FOXRED1: variants seen among roughly 807,000 people sequenced by gnomAD.
FOXRED1 encodes the protein FAD-dependent oxidoreductase domain-containing protein 1.
Under a neutral mutation model 57.8 loss-of-function variants are expected in FOXRED1, and 52 were observed. The ratio of observed to expected loss-of-function variants is 0.90; its 90% CI spans 0.72 to 1.13. FOXRED1 has a LOEUF of 1.13. Among genes scored for constraint, FOXRED1 ranks in the 50% most tolerant of loss-of-function variants. FOXRED1 has a pLI of 0.00. For synonymous variants in FOXRED1, 271 were observed against 248.3 expected, an observed-to-expected ratio of 1.09 and a Z score of -0.86; for missense variants, 589 against 625.2, an observed-to-expected ratio of 0.94 and a Z score of 0.62.
chr11:126,273,821 T>C lies in FOXRED1; in HGVS notation c.536+367T>C. The C allele has an allele frequency of 3.3e-6, 1 of 306,364 alleles. No homozygotes were observed. The highest frequency in any genetic ancestry group is 6.4e-6 in the Non-Finnish European group (1 of 155,840). 19.0% of individuals were successfully genotyped at this position (306,364 alleles called of 1,614,324 possible). On this transcript the variant is annotated intron_variant, in intron 4 of 10. Coordinates refer to ENST00000263578, the MANE Select transcript of FOXRED1 (RefSeq NM_017547.4). This position sits in a 1 kb window ranked among gnomAD's most constrained non-coding sequence, Gnocchi z 5.9. ...GGCCAGATAGTATATATTTTAGGTTTTGCTGGCCATACAGTCTCTATTCCA... is the reference window on the plus strand; with the variant it reads ...GGCCAGATAGTATATATTTTAGGTTCTGCTGGCCATACAGTCTCTATTCCA...
At position 126,269,588 on chromosome 11, in the gene FOXRED1, T is replaced by C. The variant is rs1023073542; in HGVS notation, c.85+297T>C. On this transcript the variant is annotated intron_variant, in intron 1 of 10. Transcript: ENST00000263578. Reference sequence around the variant, plus strand: ...CTGCCCGTGTTCAGGATGCTGTACTTAGTGCTGTTGCGGTAAAGGAGTGAA... The same window carrying C: ...CTGCCCGTGTTCAGGATGCTGTACTCAGTGCTGTTGCGGTAAAGGAGTGAA... 2.0e-5 allele frequency among the ~76,000 whole-genome samples: 3 copies of C among 152,300 alleles called. No individual in the cohort carries two copies. The East Asian group carries it at 5.8e-4, about 29-fold the overall frequency.
In FOXRED1 at chr11:126,277,068, C is replaced by T. The variant is rs1951172822; in HGVS notation, c.1102-3C>T. ...TAAGCGTTGTCCCCACCTCTCACTC[C>T]AGCAGGAAGAACCGGACCCGGCGAA... On this transcript the variant is annotated splice_region_variant and splice_polypyrimidine_tract_variant and intron_variant, in intron 9 of 10. Transcript: ENST00000263578. The surrounding 1 kb of genome is among the most constrained non-coding windows in gnomAD (Gnocchi z 6.8). 6.3e-6 allele frequency: 10 copies of T among 1,597,764 alleles called. No individual in the cohort carries two copies. In the East Asian group the frequency reaches 6.7e-5, roughly 11 times the overall value.
At position 126,273,249 on chromosome 11, in the gene FOXRED1, C is replaced by A; in HGVS notation, c.418-87C>A. The A allele has an allele frequency of 9.0e-7, 1 of 1,114,266 alleles. No homozygotes were observed. The highest frequency in any genetic ancestry group is 1.4e-6 in the Non-Finnish European group (1 of 724,230). The allele number at this position is 1,114,266 out of a possible 1,614,324, so 69.0% of individuals were successfully genotyped here. ...GGTGCCGCAGGTCTGGGGCACTGAG[C>A]CTGGGGAGCTGTGGGGGAAGAAGGC... On this transcript the variant is annotated intron_variant, in intron 3 of 10. Transcript: ENST00000263578. This position sits in a 1 kb window ranked among gnomAD's most constrained non-coding sequence, Gnocchi z 5.9.
Position 126,273,187 on chromosome 11 carries a change from A to C in FOXRED1, c.417+108A>C. Reference sequence around the variant, plus strand: ...CCAGAGAGCAAGAATGGGTCAGCCAACTAGGAGAGGGGGGCCCTGGCCTTC... The same window carrying C: ...CCAGAGAGCAAGAATGGGTCAGCCACCTAGGAGAGGGGGGCCCTGGCCTTC... On this transcript the variant is annotated intron_variant, in intron 3 of 10. Transcript: ENST00000263578. The surrounding 1 kb of genome is among the most constrained non-coding windows in gnomAD (Gnocchi z 5.9). 1 of 958,464 alleles carries C rather than the reference A, an allele frequency of 1.0e-6. No individual in the cohort carries two copies. Among genetic ancestry groups the C allele is most frequent in the Non-Finnish European group, 1.7e-6 (1 of 582,262 alleles). The allele number at this position is 958,464 out of a possible 1,614,324, so 59.4% of individuals were successfully genotyped here. A position where few individuals can be genotyped will look rare whatever the true frequency, so the allele number is the denominator to read the frequency against.
In FOXRED1 at chr11:126,272,839, T is replaced by C. The variant is rs897315831; in HGVS notation, c.307-130T>C. 2 of 713,408 alleles carry C rather than the reference T, an allele frequency of 2.8e-6. No individual in the cohort carries two copies. Among genetic ancestry groups the C allele is most frequent in the Non-Finnish European group, 2.6e-6 (1 of 387,174 alleles). 44.2% of individuals were successfully genotyped at this position (713,408 alleles called of 1,614,324 possible). Reference sequence around the variant, plus strand: ...GCCTTCAAGTTGACTTACACATGGGTCTTAGATTATAGACTTGCAAATAGG... The same window carrying C: ...GCCTTCAAGTTGACTTACACATGGGCCTTAGATTATAGACTTGCAAATAGG... On this transcript the variant is annotated intron_variant, in intron 2 of 10. Transcript: ENST00000263578. This position sits in a 1 kb window ranked among gnomAD's most constrained non-coding sequence, Gnocchi z 4.6.
Position 126,276,437 on chromosome 11 carries a change from A to C in FOXRED1, c.1015A>C (p.Thr339Pro). ...WHCPQGPGLE[T>P]PLVADTSGAY... The stretch of plus-strand genomic sequence containing the variant: ...CTGCCCCCAGGGACCAGGCCTAGAG[A>C]CTCCGCTTGTTGCAGACACCAGTGG... Residue 339 changes from threonine (T) to proline (P), a missense_variant, in exon 9 of 11, where the codon ACT becomes CCT. Transcript: ENST00000263578. 1.9e-6 allele frequency: 3 copies of C among 1,569,088 alleles called. No homozygotes were observed. The highest frequency in any genetic ancestry group is 2.6e-6 in the Non-Finnish European group (3 of 1,153,688).
intron 1 of FOXRED1, 104 bp downstream of exon 1, chr11:126,269,395 T>TG (rs1442797904): frequency 1.9e-6 from 3 of 1,595,582 alleles, no homozygotes; most frequent in Middle Eastern, 1.7e-4. Context: ...GGCAGGACAG[T>TG]GGGTCGGCTT....
Position 126,276,519 on chromosome 11 carries a change from C to G in FOXRED1, c.1097C>G (p.Thr366Ser), listed in dbSNP as rs141200521. The G allele has an allele frequency of 6.2e-7, 1 of 1,604,862 alleles. No individual in the cohort carries two copies. The highest frequency in any genetic ancestry group is 1.3e-5 in the African/African-American group (1 of 74,466). The change falls in exon 9 of 11, where the codon ACT becomes AGT. Residue 366 changes from threonine (T) to serine (S), a missense_variant. Thr to Ser is a moderately conservative substitution (Grantham distance 58). Coordinates refer to ENST00000263578, the MANE Select transcript of FOXRED1 (RefSeq NM_017547.4). ...GSNYLGGRSP[T>S]EQEEPDPANL... ...AACTACCTAGGTGGTCGTAGCCCCACTGAGGTAAGCTGAGTGGGGTGGGAC... is the reference window on the plus strand; with the variant it reads ...AACTACCTAGGTGGTCGTAGCCCCAGTGAGGTAAGCTGAGTGGGGTGGGAC...
rs1951094021 is a variant in FOXRED1 at position 126,275,138 on chromosome 11, G to A, written c.631+117G>A. Reference sequence around the variant, plus strand: ...GCTGAAGGAGGAACACTTCCCTCCTGTGTCACGGGAACTGCCCTGGGCCGT... The same window carrying A: ...GCTGAAGGAGGAACACTTCCCTCCTATGTCACGGGAACTGCCCTGGGCCGT... On this transcript the variant is annotated intron_variant, in intron 5 of 10. Coordinates refer to ENST00000263578, the MANE Select transcript of FOXRED1 (RefSeq NM_017547.4). This position sits in a 1 kb window ranked among gnomAD's most constrained non-coding sequence, Gnocchi z 5.9. 1 of 831,338 alleles carries A rather than the reference G, an allele frequency of 1.2e-6. No homozygotes were observed. Among genetic ancestry groups the A allele is most frequent in the African/African-American group, 1.7e-5 (1 of 59,852 alleles). The allele number at this position is 831,338 out of a possible 1,614,324, so 51.5% of individuals were successfully genotyped here.
chr11:126,269,569 GTGT>G (rs781284592), intron 1 of FOXRED1, among the ~76,000 whole-genome samples: 1 of 152,174 alleles, frequency 6.6e-6, no homozygotes, highest in Non-Finnish European at 1.5e-5. Context: ...AGTCCTGCCC[GTGT>G]TCAGGATGCT....
At chr11:126,269,660 C>T (rs1950920947) in intron 1 of FOXRED1, among the ~76,000 whole-genome samples, 1 of 151,910 alleles carries the variant, frequency 6.6e-6, no homozygotes, top group South Asian at 2.1e-4. Context: ...CTAGAGTGTA[C>T]CTAGAGAGGG....
rs1388362223 is a variant in FOXRED1, at chr11:126,273,274, C to G, written c.418-62C>G. 7.7e-7 allele frequency: 1 copy of G among 1,298,992 alleles called. No homozygotes were observed. The highest frequency in any genetic ancestry group is 1.7e-5 in the Admixed American group (1 of 59,672). 80.5% of individuals were successfully genotyped at this position (1,298,992 alleles called of 1,614,324 possible). A position where few individuals can be genotyped will look rare whatever the true frequency, so the allele number is the denominator to read the frequency against. ...CCTGGGGAGCTGTGGGGGAAGAAGG[C>G]AGGAAAACTCTTTCTGGCATCCTTA... On this transcript the variant is annotated intron_variant, in intron 3 of 10. Coordinates refer to ENST00000263578, the MANE Select transcript of FOXRED1 (RefSeq NM_017547.4). This position sits in a 1 kb window ranked among gnomAD's most constrained non-coding sequence, Gnocchi z 5.9.
At position 126,271,820 on chromosome 11, in the gene FOXRED1, A is replaced by C. The variant is rs767808139; in HGVS notation, c.306+163A>C. ...GACTTTGTTGAGAAATTTTCCTAGG[A>C]TCTTCCTCAGTCGAACCAGGAAGCT... On this transcript the variant is annotated intron_variant, in intron 2 of 10. Transcript: ENST00000263578. This position sits in a 1 kb window ranked among gnomAD's most constrained non-coding sequence, Gnocchi z 5.3. 1.5e-6 allele frequency: 1 copy of C among 679,480 alleles called. No homozygotes were observed. Among genetic ancestry groups the C allele is most frequent in the East Asian group, 2.8e-5 (1 of 36,338 alleles). The allele number at this position is 679,480 out of a possible 1,614,324, so 42.1% of individuals were successfully genotyped here.
rs1950902764 is a variant in FOXRED1, at chr11:126,269,271, G to A, written c.65G>A (p.Arg22His). 1 of 1,614,178 alleles carries A rather than the reference G, an allele frequency of 6.2e-7. No homozygotes were observed. The highest frequency in any genetic ancestry group is 8.5e-7 in the Non-Finnish European group (1 of 1,180,004). The change falls in exon 1 of 11, where the codon CGC becomes CAC. Residue 22 changes from arginine to histidine, a missense_variant. By Grantham distance (29) the Arg-to-His change is conservative. Transcript: ENST00000263578. The stretch of plus-strand genomic sequence containing the variant: ...CTCTTGACCCGGAGGCCAGGCACGC[G>A]CAGAGGAGGCTTTTCTCTGGGTAAA... The part of the protein sequence containing the change: ...RGLLTRRPGT[R>H]RGGFSLDWDG...
intron 9 of FOXRED1, 125 bp from the exon 10 acceptor site, chr11:126,276,946 C>T: frequency 1.3e-6 from 1 of 742,620 alleles, no homozygotes. Flanking sequence ...GATATTAGAG[C>T]CCCCTCCAGA....
At chr11:126,276,303 G>GC in intron 8 of FOXRED1, 84 bp downstream of exon 8, 1 of 1,395,632 alleles carries the variant, frequency 7.2e-7, no homozygotes, top group Non-Finnish European at 9.8e-7. Flanking sequence ...GTGTGTGTGT[G>GC]TGTGTGTGTG....
chr11:126,271,568 G>A lies in FOXRED1; in HGVS notation c.217G>A (p.Val73Met), dbSNP rs775117942. The A allele has an allele frequency of 1.2e-6, 2 of 1,614,128 alleles. No homozygotes were observed. Among genetic ancestry groups the A allele is most frequent in the Non-Finnish European group, 1.7e-6 (2 of 1,180,048 alleles). Residue 73 changes from valine (V) to methionine (M), a missense_variant, in exon 2 of 11, where the codon GTG becomes ATG. Physicochemically the swap from Val to Met is conservative, Grantham distance 21. Transcript: ENST00000263578. This position sits in a 1 kb window ranked among gnomAD's most constrained non-coding sequence, Gnocchi z 5.3. ...HSDVVIVGGG[V>M]LGLSVAYWLK... is the part of the protein sequence containing the mutation. ...GGATGTGGTGATCGTGGGAGGTGGG[G>A]TGCTTGGCTTGTCTGTGGCCTATTG...
Position 126,271,228 on chromosome 11 carries a change from A to G in FOXRED1, c.86-209A>G. The G allele has an allele frequency of 2.0e-6, 1 of 491,266 alleles. No homozygotes were observed. Among genetic ancestry groups the G allele is most frequent in the East Asian group, 3.5e-5 (1 of 28,910 alleles). 30.4% of individuals were successfully genotyped at this position (491,266 alleles called of 1,614,324 possible). The stretch of plus-strand genomic sequence containing the variant: ...GAAATTGAATCTTGCAGTGCTTGGC[A>G]CAATGCATGAAGAGACTGATGGCAT... On this transcript the variant is annotated intron_variant, in intron 1 of 10. Coordinates refer to ENST00000263578, the MANE Select transcript of FOXRED1 (RefSeq NM_017547.4). This position sits in a 1 kb window ranked among gnomAD's most constrained non-coding sequence, Gnocchi z 5.3.
rs1024048659 is a variant in FOXRED1, at chr11:126,277,933, G to A, written c.*244G>A. ...AGCCCATGCTGATGTCACCCACCAG[G>A]GCAATCCATCTGGAGGCCTGAGCAC... is the stretch of plus-strand genomic sequence containing the variant. On this transcript the variant is annotated 3_prime_UTR_variant, in exon 11 of 11. Transcript: ENST00000263578. This position sits in a 1 kb window ranked among gnomAD's most constrained non-coding sequence, Gnocchi z 6.8. 3.0e-6 allele frequency: 2 copies of A among 663,490 alleles called. No individual in the cohort carries two copies. Among genetic ancestry groups the A allele is most frequent in the Admixed American group, 2.1e-5 (1 of 48,600 alleles). 41.1% of individuals were successfully genotyped at this position (663,490 alleles called of 1,614,324 possible).
Sources: gnomAD v4.1 joint callset for allele counts (sites outside exome capture counted in the v4.1 genomes callset) on GRCh38, gnomAD v4.1.1 for gene constraint, Gnocchi (gnomAD v3.1) non-coding constraint, MANE v1.5 for transcripts, NCBI Gene and HGNC (gene_info 2026-07-23, HGNC 2026-07-21) for gene names.